Variants in TRIM37 observed in about 807,000 individuals in gnomAD.
TRIM37 encodes E3 ubiquitin-protein ligase TRIM37.
In TRIM37, 80 loss-of-function variants were observed where a neutral mutation model predicts 129.8. That is an observed-to-expected ratio of 0.62 (90% CI 0.51 to 0.74). The LOEUF is 0.74. Ranked by LOEUF, TRIM37 falls within the 30% of genes least tolerant of loss-of-function variation. TRIM37 has a pLI of 0.00. For missense variants in TRIM37, 1,054 were observed against 1,176.5 expected (o/e 0.90, Z 1.52); for synonymous variants, 389 against 387.1 (o/e 1.00, Z -0.06).
the TRIM37 span, among the ~76,000 whole-genome samples, chr17:58,970,426 G>A: frequency 6.6e-6 from 1 of 152,042 alleles, no homozygotes; most frequent in Non-Finnish European, 1.5e-5. Flanking sequence ...TTTAACTGGG[G>A]ACGAATAAAA....
intron 9 of TRIM37, 79 bp from the exon 10 acceptor site, chr17:59,064,484 C>G (rs1162437474): frequency 1.0e-6 from 1 of 975,292 alleles, no homozygotes. Flanking sequence ...AAGTCCCTCA[C>G]TAGTATCTTA....
intron 8 of TRIM37, among the ~76,000 whole-genome samples, chr17:59,071,372 G>A (rs1206900779): frequency 5.7e-5 from 8 of 141,520 alleles, no homozygotes; most frequent in Non-Finnish European, 1.2e-4. Flanking sequence ...TGCAACCTCC[G>A]CCTCCTGGGT....
chr17:59,041,882 C>G lies in TRIM37; in HGVS notation c.1684G>C (p.Val562Leu). The change falls in exon 17 of 24, where the codon GTG becomes CTG. Residue 562 changes from valine (V) to leucine (L), a missense_variant. Around this residue, in one of 3 missense-constraint regions of TRIM37, gnomAD observed 752 missense variants for 870.8 expected, o/e 0.86. Coordinates refer to ENST00000262294, the MANE Select transcript of TRIM37 (RefSeq NM_015294.6). ...DEETMSGEND[V>L]EYNNMELEEG... ...TCTAATTCCATGTTGTTATATTCCA[C>G]ATCATTTTCTCCAGACCTAAGAATA... 2 of 1,613,344 alleles carry G rather than the reference C, an allele frequency of 1.2e-6. No homozygotes were observed. The highest frequency in any genetic ancestry group is 1.7e-6 in the Non-Finnish European group (2 of 1,179,414).
intron 21 of TRIM37, among the ~76,000 whole-genome samples, chr17:59,013,246 C>T (rs2035524979): frequency 1.3e-5 from 2 of 152,086 alleles, no homozygotes; most frequent in African/African-American, 4.8e-5. Flanking sequence ...TGGGCTCAAG[C>T]GATTCTCCTG....
intron 14 of TRIM37, among the ~76,000 whole-genome samples, chr17:59,050,529 A>C (rs531209205): frequency 6.6e-6 from 1 of 152,200 alleles, no homozygotes; most frequent in African/African-American, 2.4e-5. Flanking sequence ...CCATCTCCAC[A>C]AAAACAAAAA....
chr17:59,055,902 A>T (rs975185905), intron 13 of TRIM37, among the ~76,000 whole-genome samples: 3 of 152,084 alleles, frequency 2.0e-5, no homozygotes, highest in Non-Finnish European at 4.4e-5. Flanking sequence ...TAACAAACCT[A>T]CACATGTACC....
rs1326330706 is a variant in TRIM37 at position 59,051,237 on chromosome 17, G to A, written c.1291C>T (p.Gln431Ter). ...QLEAAQTSYIQQINNLKERLT... is the reference protein window; with the variant it reads ...QLEAAQTSYI ...ACCTCTTTAAGGTTGTTTATTTGTT[G>A]GATATAACTAGTCTGTGCAGCTTCC... The change falls in exon 14 of 24, where the codon CAA becomes TAA. Residue 431 changes from glutamine (Q) to a stop codon, truncating the protein, a stop_gained. Transcript: ENST00000262294. LOFTEE classifies it high-confidence loss of function. 9.3e-6 allele frequency: 15 copies of A among 1,611,624 alleles called. No homozygotes were observed. The highest frequency in any genetic ancestry group is 1.3e-5 in the Non-Finnish European group (15 of 1,178,028).
chr17:59,004,775 C>T (rs553395532), intron 22 of TRIM37, among the ~76,000 whole-genome samples: 200 of 152,274 alleles, frequency 1.3e-3, no homozygotes, highest in African/African-American at 4.7e-3. Flanking sequence ...GAAATAAAAT[C>T]TGCTCTAGTT....
intron 16 of TRIM37, among the ~76,000 whole-genome samples, chr17:59,044,388 CT>C (rs1215406319): frequency 6.6e-6 from 1 of 151,994 alleles, no homozygotes; most frequent in Non-Finnish European, 1.5e-5. Context: ...TTGCAAAACC[CT>C]GTCTCTACTA....
chr17:59,090,754 T>C (rs1195723297), intron 3 of TRIM37, among the ~76,000 whole-genome samples: 3 of 152,064 alleles, frequency 2.0e-5, no homozygotes, highest in Admixed American at 2.0e-4. Flanking sequence ...GCCTCCTGAG[T>C]AGCTGGGACT....
chr17:59,080,898 T>C (rs2043199483), intron 6 of TRIM37, among the ~76,000 whole-genome samples, 199 bp downstream of exon 6: 1 of 152,162 alleles, frequency 6.6e-6, no homozygotes, highest in Non-Finnish European at 1.5e-5. Context: ...CTCCAACTGC[T>C]TCCTTACAAG....
intron 23 of TRIM37, among the ~76,000 whole-genome samples, chr17:59,000,003 T>C (rs1205784102): frequency 6.6e-6 from 1 of 152,306 alleles, no homozygotes; most frequent in East Asian, 1.9e-4. Context: ...CAGGAAAATA[T>C]GCAAAATATA....
the TRIM37 span, chr17:58,972,186 C>T: frequency 6.2e-7 from 1 of 1,614,062 alleles, no homozygotes; most frequent in Non-Finnish European, 8.5e-7. Context: ...CAACATGCTA[C>T]ATGTGGCCTG....
intron 22 of TRIM37, among the ~76,000 whole-genome samples, chr17:59,005,188 C>T (rs2034316347): frequency 6.6e-6 from 1 of 152,174 alleles, no homozygotes; most frequent in African/African-American, 2.4e-5. Context: ...CTTCAGGATT[C>T]AAAAACAATG....
rs542178977 is a variant in TRIM37 at position 59,032,086 on chromosome 17, A to G, written c.1758T>C (p.Ser586=). 1 of 1,613,770 alleles carries G rather than the reference A, an allele frequency of 6.2e-7. No homozygotes were observed. Among genetic ancestry groups the G allele is most frequent in the East Asian group, 2.2e-5 (1 of 44,886 alleles). The change falls in exon 18 of 24, where the codon AGT becomes AGC. Residue 586 remains serine (S), a synonymous_variant. Transcript: ENST00000262294. The stretch of plus-strand genomic sequence containing the variant: ...TACTGGAACCCACATAACCATGGCT[A>G]CTACCTGCAAAAGAGGCGTAGAAAA... ...EDAAAAGPAG[S]SHGYVGSSSR...
chr17:58,972,953 A>G, the TRIM37 span: 2 of 1,536,786 alleles, frequency 1.3e-6, no homozygotes, highest in Non-Finnish European at 1.8e-6. Context: ...TTGTTTCTCC[A>G]AACTGTCCTC....
At chr17:59,038,877 T>C (rs1568050943) in intron 17 of TRIM37, among the ~76,000 whole-genome samples, 2 of 152,172 alleles carry the variant, frequency 1.3e-5, no homozygotes, top group Non-Finnish European at 2.9e-5. Flanking sequence ...AGATAAGCAA[T>C]ATTGAAACAA....
chr17:59,021,454 G>T (rs1269853500), intron 19 of TRIM37, among the ~76,000 whole-genome samples: 1 of 152,068 alleles, frequency 6.6e-6, no homozygotes, highest in Non-Finnish European at 1.5e-5. Flanking sequence ...CCATAAAAAA[G>T]GAATGAGATC....
chr17:58,982,253 T>C (rs1242349343), downstream of TRIM37: 13 of 152,558 alleles, frequency 8.5e-5, no homozygotes, highest in Admixed American at 8.5e-4. Context: ...TTTGATATTT[T>C]GAAACTGTCT....
Sources: allele counts gnomAD v4.1 joint callset (sites outside exome capture counted in the v4.1 genomes callset), GRCh38; gene constraint gnomAD v4.1.1; regional missense constraint gnomAD v4.1.1; transcripts MANE v1.5; gene names NCBI Gene and HGNC (gene_info 2026-07-23, HGNC 2026-07-21).